Variants in MPZL3 observed in about 807,000 individuals in gnomAD.
MPZL3 encodes the protein myelin protein zero-like protein 3.
A neutral mutation model predicts 24.8 loss-of-function variants in MPZL3; 23 were observed. The observed-to-expected ratio is 0.93, with a 90% CI of 0.67 to 1.31. MPZL3 has a LOEUF of 1.31. MPZL3 is among the 40% of genes most tolerant of loss of function. The pLI, the probability that MPZL3 is intolerant of heterozygous loss-of-function variation, is 0.00. For synonymous variants in MPZL3, 99 were observed against 106.5 expected (o/e 0.93, Z 0.44); for missense variants, 277 against 294.9 (o/e 0.94, Z 0.44).
intron 1 of MPZL3, among the ~76,000 whole-genome samples, chr11:118,243,221 C>G (rs963276912): frequency 6.6e-6 from 1 of 152,162 alleles, no homozygotes; most frequent in African/African-American, 2.4e-5. Flanking sequence ...GCTTCCCATT[C>G]CATGATTCCT....
At position 118,237,074 on chromosome 11, in the gene MPZL3, T is replaced by C. The variant is rs766541182; in HGVS notation, c.427A>G (p.Thr143Ala). 1 of 1,614,070 alleles carries C rather than the reference T, an allele frequency of 6.2e-7. No homozygotes were observed. Among genetic ancestry groups the C allele is most frequent in the Admixed American group, 1.7e-5 (1 of 60,016 alleles). Residue 143 changes from threonine (T) to alanine (A), a missense_variant, in exon 3 of 6, where the codon ACA becomes GCA. Coordinates refer to ENST00000278949, the MANE Select transcript of MPZL3 (RefSeq NM_198275.3). Reference protein sequence around the residue: ...PPDVHHNIPMTELTVTERGFG... With the variant: ...PPDVHHNIPMAELTVTERGFG... ...CCCCTTTCTGTGACTGTTAGCTCTG[T>C]CATGGGAATATTATGATGCACATCT...
At chr11:118,249,535 A>G (rs989216430) in intron 1 of MPZL3, among the ~76,000 whole-genome samples, 2 of 152,092 alleles carry the variant, frequency 1.3e-5, no homozygotes, top group Non-Finnish European at 2.9e-5. Context: ...AGAAATACTC[A>G]TAATAATTAA....
At chr11:118,234,929 C>A (rs1949403272) in intron 4 of MPZL3, among the ~76,000 whole-genome samples, 1 of 152,064 alleles carries the variant, frequency 6.6e-6, no homozygotes, top group African/African-American at 2.4e-5. Flanking sequence ...TTTAATAAAT[C>A]TTTTTAATAA....
At chr11:118,243,412 C>T (rs1368792056) in intron 1 of MPZL3, among the ~76,000 whole-genome samples, 3 of 152,172 alleles carry the variant, frequency 2.0e-5, no homozygotes, top group African/African-American at 7.2e-5. Context: ...GTCCCTTTTC[C>T]TATGCGAGGC....
intron 5 of MPZL3, among the ~76,000 whole-genome samples, chr11:118,230,242 G>A (rs1479774612): frequency 2.6e-5 from 4 of 152,122 alleles, no homozygotes; most frequent in African/African-American, 9.7e-5. Context: ...TCACCCCAGC[G>A]ATCCTCTCCT....
At position 118,235,549 on chromosome 11, in the gene MPZL3, G is replaced by A; in HGVS notation, c.492C>T (p.Ile164=). The stretch of plus-strand genomic sequence containing the variant: ...CCACGGCTGAGGGCACAAAGACAAG[G>A]ATGGAAAGAAGGGCCACAGAGGAAA... ...TMLSSVALLS[I]LVFVPSAVVV... The change falls in exon 4 of 6, where the codon ATC becomes ATT. Residue 164 remains isoleucine (I), a synonymous_variant. Coordinates refer to ENST00000278949, the MANE Select transcript of MPZL3 (RefSeq NM_198275.3). 5 of 1,613,970 alleles carry A rather than the reference G, an allele frequency of 3.1e-6. No individual in the cohort carries two copies. In the South Asian group the frequency reaches 4.4e-5, roughly 14 times the overall value.
chr11:118,227,277 T>C lies in MPZL3; in HGVS notation c.*2617A>G, dbSNP rs892080944. The stretch of plus-strand genomic sequence containing the variant: ...GGCTTTTAACCCCTTCTGAACTAAG[T>C]TCCCTTTCTAAACGAGGCTGGTTTC... On this transcript the variant is annotated 3_prime_UTR_variant, in exon 6 of 6. Coordinates refer to ENST00000278949, the MANE Select transcript of MPZL3 (RefSeq NM_198275.3). 6.6e-6 allele frequency: 1 copy of C among 152,230 alleles called. No individual in the cohort carries two copies. The highest frequency in any genetic ancestry group is 1.5e-5 in the Non-Finnish European group (1 of 68,040). 9.4% of individuals were successfully genotyped at this position (152,230 alleles called of 1,614,324 possible). A position where few individuals can be genotyped will look rare whatever the true frequency, so the allele number is the denominator to read the frequency against.
intron 2 of MPZL3, 62 bp downstream of exon 2, chr11:118,240,149 T>G: frequency 6.9e-7 from 1 of 1,450,992 alleles, no homozygotes; most frequent in Non-Finnish European, 9.1e-7. Context: ...TGCCTATGAT[T>G]TGCAGTAAAA....
chr11:118,232,553 TGAC>T (rs1348443169), intron 5 of MPZL3, among the ~76,000 whole-genome samples: 13 of 152,140 alleles, frequency 8.5e-5, no homozygotes, highest in African/African-American at 3.1e-4. Context: ...ATATGGCACG[TGAC>T]AGATGCTCAA....
chr11:118,252,303 C>T lies in MPZL3; in HGVS notation c.-9G>A. 1.2e-6 allele frequency: 2 copies of T among 1,613,860 alleles called. No individual in the cohort carries two copies. The highest frequency in any genetic ancestry group is 1.1e-5 in the South Asian group (1 of 91,084). On this transcript the variant is annotated 5_prime_UTR_variant, in exon 1 of 6. Coordinates refer to ENST00000278949, the MANE Select transcript of MPZL3 (RefSeq NM_198275.3). ...GCTCCTCTCTGCTGCATCCCGGCAG[C>T]TCTTCAGATGCTTGCACACCTTGTT...
At chr11:118,248,175 A>G (rs1376838390) in intron 1 of MPZL3, among the ~76,000 whole-genome samples, 1 of 145,590 alleles carries the variant, frequency 6.9e-6, no homozygotes, top group Non-Finnish European at 1.5e-5. Context: ...TCCCGGGTTC[A>G]AATGATTCTT....
chr11:118,230,630 C>T (rs760347841), intron 5 of MPZL3, among the ~76,000 whole-genome samples: 6 of 151,946 alleles, frequency 3.9e-5, no homozygotes, highest in Admixed American at 1.3e-4. Flanking sequence ...TATTTCATAC[C>T]CTTCCCTCTT....
chr11:118,233,650 G>A (rs1048610085), intron 4 of MPZL3, 127 bp from the exon 5 acceptor site: 1 of 914,538 alleles, frequency 1.1e-6, no homozygotes, highest in African/African-American at 1.6e-5. Context: ...CACTAGCTGG[G>A]TGACTGGGCA....
At chr11:118,230,873 T>C (rs1283473104) in intron 5 of MPZL3, among the ~76,000 whole-genome samples, 1 of 152,222 alleles carries the variant, frequency 6.6e-6, no homozygotes, top group Non-Finnish European at 1.5e-5. Flanking sequence ...CACTAGATCC[T>C]GGCATTACAC....
intron 1 of MPZL3, among the ~76,000 whole-genome samples, chr11:118,245,204 G>T (rs1157020886): frequency 1.3e-5 from 2 of 151,764 alleles, no homozygotes; most frequent in African/African-American, 4.8e-5. Flanking sequence ...TTCGAGACCA[G>T]CCTGGCCAAC....
chr11:118,249,417 A>G (rs1434475605), intron 1 of MPZL3, among the ~76,000 whole-genome samples: 2 of 152,214 alleles, frequency 1.3e-5, no homozygotes, highest in African/African-American at 2.4e-5. Context: ...CATAAAAAAA[A>G]TACCAATCCA....
chr11:118,235,534 G>A lies in MPZL3; in HGVS notation c.507C>T (p.Pro169=), dbSNP rs770854335. ...VALLSILVFV[P]SAVVVALLLV... Reference sequence around the variant, plus strand: ...GCAGCAGAGCAACCACCACGGCTGAGGGCACAAAGACAAGGATGGAAAGAA... The same window carrying A: ...GCAGCAGAGCAACCACCACGGCTGAAGGCACAAAGACAAGGATGGAAAGAA... Residue 169 remains proline (P), a synonymous_variant, in exon 4 of 6, where the codon CCC becomes CCT. Coordinates refer to ENST00000278949, the MANE Select transcript of MPZL3 (RefSeq NM_198275.3). The A allele has an allele frequency of 2.5e-6, 4 of 1,613,868 alleles. No homozygotes were observed. In the East Asian group the frequency reaches 6.7e-5, roughly 27 times the overall value.
At chr11:118,243,771 C>CA (rs1226572066) in intron 1 of MPZL3, among the ~76,000 whole-genome samples, 1,763 of 116,504 alleles carry the variant, frequency 0.015, 8 homozygotes, top group South Asian at 0.03. Context: ...GACTCTGTCT[C>CA]AAAAAAAAAA....
Position 118,249,050 on chromosome 11 carries a change from G to GTTTC in MPZL3, c.73+3171_73+3172insGAAA, listed in dbSNP as rs386375034. Among the ~76,000 whole-genome samples the GTTTC allele has an allele frequency of 3.3e-5, 5 of 151,864 alleles. No individual in the cohort carries two copies. In the South Asian group the frequency reaches 1.0e-3, roughly 32 times the overall value. On this transcript the variant is annotated intron_variant, in intron 1 of 5. Transcript: ENST00000278949. ...AATATTTTCGGTTTGTTTTTTGTTT[G>GTTTC]TTTGTTTTTTGAGACAGAGTCTCAC...
Sources: gnomAD v4.1 joint callset for allele counts (sites outside exome capture counted in the v4.1 genomes callset) on GRCh38, gnomAD v4.1.1 for gene constraint, MANE v1.5 for transcripts, NCBI Gene and HGNC (gene_info 2026-07-23, HGNC 2026-07-21) for gene names.